The following SRPK2 variants were observed in gnomAD, a reference collection of about 807,000 sequenced individuals.
The protein encoded by SRPK2 is SRSF protein kinase 2.
A neutral mutation model predicts 90.8 loss-of-function variants in SRPK2; 21 were observed. The observed-to-expected ratio is 0.23, with a 90% CI of 0.16 to 0.33. The LOEUF (loss-of-function observed/expected upper bound fraction) is 0.33, where lower values mean the gene tolerates loss of function less well. Among genes scored for constraint, SRPK2 ranks in the 10% least tolerant of loss-of-function variants. SRPK2 has a pLI of 1.00. For missense variants in SRPK2, 620 were observed against 869.0 expected (o/e 0.71, Z 3.60); for synonymous variants, 288 against 311.1 (o/e 0.93, Z 0.78).
At chr7:105,199,235 T>C (rs780490032) in intron 3 of SRPK2, among the ~76,000 whole-genome samples, 1 of 152,232 alleles carries the variant, frequency 6.6e-6, no homozygotes, top group Non-Finnish European at 1.5e-5. Context: ...CCCAAGTGTC[T>C]ACATTTCCTG....
At chr7:105,367,356 G>A (rs1394392617) in intron 2 of SRPK2, among the ~76,000 whole-genome samples, 1 of 152,048 alleles carries the variant, frequency 6.6e-6, no homozygotes, top group African/African-American at 2.4e-5. Context: ...TCGGCCTCCT[G>A]GGGTCAAGCA....
At chr7:105,148,484 C>T (rs1173559495) in intron 7 of SRPK2, among the ~76,000 whole-genome samples, 1 of 152,072 alleles carries the variant, frequency 6.6e-6, no homozygotes, top group African/African-American at 2.4e-5. Context: ...TTTCCATAAA[C>T]AAAATTTATT....
At chr7:105,354,397 T>C in intron 2 of SRPK2, among the ~76,000 whole-genome samples, 1 of 152,202 alleles carries the variant, frequency 6.6e-6, no homozygotes, top group Admixed American at 6.5e-5. Context: ...CTGCACAGGC[T>C]GTGGGTCCTT....
At chr7:105,324,663 G>A (rs1204062) in intron 2 of SRPK2, among the ~76,000 whole-genome samples, 220 of 152,236 alleles carry the variant, frequency 1.4e-3, no homozygotes, top group African/African-American at 5.1e-3. Context: ...GAGGCGGGTG[G>A]ATCACTTGAG....
chr7:105,310,756 T>C lies in SRPK2; in HGVS notation c.71+77892A>G, dbSNP rs563273568. ...TATATTTATTTTCCATCTAGAACTC[T>C]CCAATGACATTCTTTTCCCCAATCT... On this transcript the variant is annotated intron_variant, in intron 2 of 15. Transcript: ENST00000393651. 9.2e-5 allele frequency among the ~76,000 whole-genome samples: 14 copies of C among 152,320 alleles called. No individual in the cohort carries two copies. The South Asian group carries it at 2.9e-3, about 32-fold the overall frequency.
chr7:105,204,691 G>T, intron 2 of SRPK2: 1 of 959,928 alleles, frequency 1.0e-6, no homozygotes, highest in South Asian at 1.3e-5. Flanking sequence ...GCAGCCCTCA[G>T]GCCTGCTGCG....
intron 2 of SRPK2, among the ~76,000 whole-genome samples, chr7:105,247,318 C>T (rs1801799514): frequency 6.6e-6 from 1 of 152,072 alleles, no homozygotes; most frequent in East Asian, 1.9e-4. Context: ...ACTTTTTCGT[C>T]TGTAAAATAC....
At position 105,177,091 on chromosome 7, in the gene SRPK2, C is replaced by T. The variant is rs1036834901; in HGVS notation, c.230-7826G>A. 3.3e-5 allele frequency among the ~76,000 whole-genome samples: 5 copies of T among 151,442 alleles called. 1 individual carries two copies. Among genetic ancestry groups the T allele is most frequent in the Non-Finnish European group, 2.9e-5 (2 of 67,926 alleles). On this transcript the variant is annotated intron_variant, in intron 3 of 15. Coordinates refer to ENST00000393651, the MANE Select transcript of SRPK2 (RefSeq NM_182692.3). Reference sequence around the variant, plus strand: ...CAATTCCGCTAATATTAACCACTTCCAAAAAGTACCTGGTAATTGTCAGGA... The same window carrying T: ...CAATTCCGCTAATATTAACCACTTCTAAAAAGTACCTGGTAATTGTCAGGA...
chr7:105,194,080 C>T (rs1794624140), intron 3 of SRPK2, among the ~76,000 whole-genome samples: 1 of 152,076 alleles, frequency 6.6e-6, no homozygotes, highest in Non-Finnish European at 1.5e-5. Flanking sequence ...TAATCAGGAA[C>T]AGTTTTTAAT....
At chr7:105,216,013 A>G (rs1585208687) in intron 2 of SRPK2, among the ~76,000 whole-genome samples, 1 of 149,074 alleles carries the variant, frequency 6.7e-6, no homozygotes, top group African/African-American at 2.5e-5. Context: ...CCACGATCAC[A>G]CCTGTAAATA....
intron 2 of SRPK2, among the ~76,000 whole-genome samples, chr7:105,209,389 C>T (rs1002993359): frequency 1.8e-4 from 27 of 152,032 alleles, no homozygotes; most frequent in Admixed American, 1.3e-4. Flanking sequence ...ACAAAAACTA[C>T]AAAAATTAGC....
In SRPK2 at chr7:105,307,799, C is replaced by T. The variant is rs553992315; in HGVS notation, c.71+80849G>A. On this transcript the variant is annotated intron_variant, in intron 2 of 15. Coordinates refer to ENST00000393651, the MANE Select transcript of SRPK2 (RefSeq NM_182692.3). ...ATATTTTATAATCAGAAATAACATA[C>T]GCTTTATCTTTTATAATCATCATAG... 7.9e-5 allele frequency among the ~76,000 whole-genome samples: 12 copies of T among 152,132 alleles called. No individual in the cohort carries two copies. The South Asian group carries it at 1.2e-3, about 16-fold the overall frequency.
At chr7:105,263,183 C>T (rs764867519) in intron 2 of SRPK2, among the ~76,000 whole-genome samples, 9 of 151,940 alleles carry the variant, frequency 5.9e-5, no homozygotes, top group Non-Finnish European at 1.3e-4. Flanking sequence ...ATTAGCCGGG[C>T]GTGGTGGCGC....
chr7:105,211,298 A>T (rs966268251), intron 2 of SRPK2, among the ~76,000 whole-genome samples: 3 of 152,122 alleles, frequency 2.0e-5, no homozygotes, highest in Non-Finnish European at 4.4e-5. Flanking sequence ...TGGGTAATCC[A>T]GAATGGGAAA....
At chr7:105,253,550 T>C (rs1025597464) in intron 2 of SRPK2, among the ~76,000 whole-genome samples, 1 of 152,140 alleles carries the variant, frequency 6.6e-6, no homozygotes, top group Non-Finnish European at 1.5e-5. Context: ...ATGCAAGTAT[T>C]TAGAGTTTCA....
intron 2 of SRPK2, among the ~76,000 whole-genome samples, chr7:105,387,370 A>G (rs1462689164): frequency 6.6e-6 from 1 of 152,202 alleles, no homozygotes. Flanking sequence ...GAAAGCTAGC[A>G]CTAATTTTTT....
intron 2 of SRPK2, among the ~76,000 whole-genome samples, chr7:105,365,849 G>A (rs1339556509): frequency 6.6e-6 from 1 of 150,622 alleles, no homozygotes; most frequent in Non-Finnish European, 1.5e-5. Flanking sequence ...TCTCCTCAAT[G>A]ATTTTATTTC....
At chr7:105,240,638 T>C (rs1336797687) in intron 2 of SRPK2, among the ~76,000 whole-genome samples, 1 of 152,138 alleles carries the variant, frequency 6.6e-6, no homozygotes, top group African/African-American at 2.4e-5. Flanking sequence ...AACCATAGAT[T>C]GTAGTTTCAG....
At chr7:105,207,884 A>G in intron 2 of SRPK2, among the ~76,000 whole-genome samples, 1 of 152,238 alleles carries the variant, frequency 6.6e-6, no homozygotes, top group South Asian at 2.1e-4. Flanking sequence ...AAGTACTTGT[A>G]AATCATAAGT....
Sources: allele counts gnomAD v4.1 joint callset (sites outside exome capture counted in the v4.1 genomes callset), GRCh38; gene constraint gnomAD v4.1.1; transcripts MANE v1.5; gene names NCBI Gene and HGNC (gene_info 2026-07-23, HGNC 2026-07-21).